The following CNTNAP2 variants were observed in gnomAD, a reference collection of about 807,000 sequenced individuals.
The protein encoded by CNTNAP2 is contactin associated protein 2.
In CNTNAP2, 98 loss-of-function variants were observed where a neutral mutation model predicts 155.2. The ratio of observed to expected loss-of-function variants is 0.63; its 90% CI spans 0.54 to 0.75. CNTNAP2 has a LOEUF of 0.75. Among genes scored for constraint, CNTNAP2 ranks in the 30% least tolerant of loss-of-function variants. The probability of loss-of-function intolerance (pLI) is 0.00; values close to 1 mark genes in which losing one functional copy is unlikely to be tolerated. For missense variants in CNTNAP2, 1,727 were observed against 1,688.1 expected, an observed-to-expected ratio of 1.02 and a Z score of -0.40; for synonymous variants, 651 against 631.2, an observed-to-expected ratio of 1.03 and a Z score of -0.47.
intron 10 of CNTNAP2, among the ~76,000 whole-genome samples, chr7:147,477,740 T>C (rs1188083997): frequency 1.3e-5 from 2 of 152,204 alleles, no homozygotes; most frequent in Non-Finnish European, 2.9e-5. Context: ...CAAAAATCCC[T>C]TGAACAGTGA....
intron 1 of CNTNAP2, among the ~76,000 whole-genome samples, chr7:146,169,863 G>A (rs988673477): frequency 6.6e-6 from 1 of 150,968 alleles, no homozygotes; most frequent in Admixed American, 6.6e-5. Context: ...TCATTTATTC[G>A]TGGATAGGTA....
At chr7:147,882,895 G>C (rs1316563250) in intron 13 of CNTNAP2, among the ~76,000 whole-genome samples, 1 of 152,166 alleles carries the variant, frequency 6.6e-6, no homozygotes, top group African/African-American at 2.4e-5. Context: ...AATTTGGTTT[G>C]ACAAATATAT....
chr7:146,663,295 A>AG (rs1800126998), intron 1 of CNTNAP2, among the ~76,000 whole-genome samples: 2 of 41,352 alleles, frequency 4.8e-5, no homozygotes, highest in East Asian at 1.3e-3. Flanking sequence ...AAAAAAAAAA[A>AG]AAAGAAAGAA....
At chr7:148,002,319 A>G (rs13236734) in intron 15 of CNTNAP2, among the ~76,000 whole-genome samples, 6,024 of 152,260 alleles carry the variant, frequency 0.04, 253 homozygotes, top group East Asian at 0.25. Context: ...TAAAGCTTTG[A>G]TAGACTGAAT....
chr7:146,841,291 AGAG>A (rs985863600), intron 3 of CNTNAP2, among the ~76,000 whole-genome samples: 2 of 120,200 alleles, frequency 1.7e-5, no homozygotes, highest in African/African-American at 1.6e-4. Context: ...CTGAAAATGA[AGAG>A]GAGAACAGAA....
intron 1 of CNTNAP2, among the ~76,000 whole-genome samples, chr7:146,679,347 C>CTTTTTTTTTTTT (rs34541415): frequency 9.4e-5 from 10 of 106,926 alleles, no homozygotes; most frequent in African/African-American, 1.9e-4. Flanking sequence ...GATCTTGTTT[C>CTTTTTTTTTTTT]TTTTTTTTTT....
At chr7:147,849,964 G>A (rs1376429096) in intron 13 of CNTNAP2, 1 of 152,176 alleles carries the variant, frequency 6.6e-6, no homozygotes, top group Non-Finnish European at 1.5e-5. Context: ...GATGGGAGAA[G>A]AGATAACTAG....
chr7:147,563,390 G>C (rs1800102351), intron 12 of CNTNAP2, among the ~76,000 whole-genome samples: 1 of 151,970 alleles, frequency 6.6e-6, no homozygotes, highest in Non-Finnish European at 1.5e-5. Flanking sequence ...CAGCATCTTG[G>C]GAGACTGAGG....
chr7:146,886,989 T>C (rs779606483), intron 3 of CNTNAP2, among the ~76,000 whole-genome samples: 3 of 151,924 alleles, frequency 2.0e-5, no homozygotes, highest in Non-Finnish European at 4.4e-5. Flanking sequence ...ATTTCTGCCA[T>C]GTAAAAACCC....
intron 2 of CNTNAP2, among the ~76,000 whole-genome samples, chr7:146,793,606 G>A (rs749840951): frequency 1.6e-4 from 25 of 152,212 alleles, no homozygotes; most frequent in Non-Finnish European, 3.5e-4. Flanking sequence ...AGCAAGAATG[G>A]CAGAGGCAAG....
At chr7:146,395,817 A>AG (rs1795614925) in intron 1 of CNTNAP2, among the ~76,000 whole-genome samples, 2 of 140,504 alleles carry the variant, frequency 1.4e-5, no homozygotes, top group African/African-American at 6.2e-5. Flanking sequence ...AGATAGATAG[A>AG]TAGATAGAGG....
At chr7:146,645,983 G>T (rs1799804869) in intron 1 of CNTNAP2, among the ~76,000 whole-genome samples, 1 of 151,988 alleles carries the variant, frequency 6.6e-6, no homozygotes, top group African/African-American at 2.4e-5. Context: ...TTAAGCTATG[G>T]GAAAAGTCAC....
chr7:148,127,715 T>TA (rs1244683469), intron 16 of CNTNAP2, among the ~76,000 whole-genome samples: 4 of 152,246 alleles, frequency 2.6e-5, no homozygotes, highest in African/African-American at 9.6e-5. Context: ...AACAACTTTT[T>TA]ATTTTTAAAT....
intron 9 of CNTNAP2, among the ~76,000 whole-genome samples, chr7:147,381,002 A>G (rs1482725104): frequency 1.3e-5 from 2 of 152,022 alleles, no homozygotes; most frequent in Non-Finnish European, 1.5e-5. Context: ...TTTTAAATAG[A>G]GTGAAAAACG....
At chr7:147,972,263 T>C (rs960678369) in intron 14 of CNTNAP2, among the ~76,000 whole-genome samples, 1 of 152,114 alleles carries the variant, frequency 6.6e-6, no homozygotes, top group Non-Finnish European at 1.5e-5. Context: ...AGTAAACATT[T>C]TTTAAGGGTT....
intron 22 of CNTNAP2, among the ~76,000 whole-genome samples, chr7:148,406,226 C>T (rs951379081): frequency 2.4e-5 from 2 of 85,088 alleles, no homozygotes; most frequent in East Asian, 4.1e-4. Context: ...AGCGAGACTC[C>T]ATCTCAAAAA....
chr7:147,793,811 TTTCA>T (rs1358545070), intron 13 of CNTNAP2, among the ~76,000 whole-genome samples: 1 of 152,038 alleles, frequency 6.6e-6, no homozygotes, highest in Non-Finnish European at 1.5e-5. Context: ...TGTGATGTGT[TTTCA>T]TTCATTCAGA....
intron 1 of CNTNAP2, among the ~76,000 whole-genome samples, chr7:146,250,669 G>T (rs1039233128): frequency 6.6e-6 from 1 of 152,098 alleles, no homozygotes; most frequent in Admixed American, 6.6e-5. Context: ...TAATTTACTA[G>T]CCAGTATCCA....
At chr7:148,254,504 C>A (rs562803217) in intron 20 of CNTNAP2, among the ~76,000 whole-genome samples, 4 of 152,136 alleles carry the variant, frequency 2.6e-5, no homozygotes, top group Non-Finnish European at 5.9e-5. Flanking sequence ...AGGCCATGCA[C>A]GTTGGCTCAT....
Sources: gnomAD v4.1 joint callset for allele counts (sites outside exome capture counted in the v4.1 genomes callset) on GRCh38, gnomAD v4.1.1 for gene constraint, MANE v1.5 for transcripts, NCBI Gene and HGNC (gene_info 2026-07-23, HGNC 2026-07-21) for gene names.